The following FBXL7 variants were observed in gnomAD, a reference collection of about 807,000 sequenced individuals.
FBXL7 encodes the protein F-box/LRR-repeat protein 7.
In FBXL7, 12 loss-of-function variants were observed where a neutral mutation model predicts 38.3. The observed-to-expected ratio is 0.31, with a 90% confidence interval of 0.20 to 0.51. The LOEUF (loss-of-function observed/expected upper bound fraction) is 0.51. Among genes scored for constraint, FBXL7 ranks in the 20% least tolerant of loss-of-function variants. FBXL7 has a pLI of 0.98. For synonymous variants in FBXL7, 297 were observed against 300.9 expected, an observed-to-expected ratio of 0.99 and a Z score of 0.13; for missense variants, 567 against 676.4, an observed-to-expected ratio of 0.84 and a Z score of 1.79.
intron 2 of FBXL7, among the ~76,000 whole-genome samples, chr5:15,693,932 A>G (rs1743256651): frequency 6.6e-6 from 1 of 152,088 alleles, no homozygotes; most frequent in Admixed American, 6.5e-5. Flanking sequence ...GTGTGATCCA[A>G]TTTTTCCGGT....
intron 2 of FBXL7, among the ~76,000 whole-genome samples, chr5:15,724,697 G>A (rs1744294822): frequency 6.6e-6 from 1 of 152,132 alleles, no homozygotes; most frequent in Non-Finnish European, 1.5e-5. Flanking sequence ...TTTAAAGTAT[G>A]CTAACATTTA....
chr5:15,829,137 A>G (rs1375687428), intron 2 of FBXL7, among the ~76,000 whole-genome samples: 1 of 152,194 alleles, frequency 6.6e-6, no homozygotes, highest in African/African-American at 2.4e-5. Context: ...CAGATAATTA[A>G]GTGACAATGG....
intron 1 of FBXL7, among the ~76,000 whole-genome samples, chr5:15,595,277 C>A (rs547568235): frequency 6.6e-6 from 1 of 152,160 alleles, no homozygotes; most frequent in South Asian, 2.1e-4. Flanking sequence ...CTCAGAGACC[C>A]AGAAAGGCTG....
chr5:15,612,750 T>C (rs1371262325), intron 1 of FBXL7, among the ~76,000 whole-genome samples: 1 of 152,168 alleles, frequency 6.6e-6, no homozygotes, highest in African/African-American at 2.4e-5. Context: ...TGATGCCATC[T>C]CTTTGTAGGA....
intron 1 of FBXL7, among the ~76,000 whole-genome samples, chr5:15,548,668 G>C (rs1255129463): frequency 6.6e-6 from 1 of 152,192 alleles, no homozygotes; most frequent in Non-Finnish European, 1.5e-5. Flanking sequence ...CATGTGCCCA[G>C]GAGACAGGTC....
At position 15,580,732 on chromosome 5, in the gene FBXL7, G is replaced by A. The variant is rs528300990; in HGVS notation, c.38-35251G>A. On this transcript the variant is annotated intron_variant, in intron 1 of 3. Transcript: ENST00000504595. The stretch of plus-strand genomic sequence containing the variant: ...CAGGAAGGGAGGTGGTGAGCCTGAA[G>A]ATCTCACAAGCTTCCCTCCTGGTGT... The A allele has an allele frequency of 1.2e-4, 121 of 985,422 alleles. 1 individual carries two copies. The South Asian group carries it at 4.9e-3, about 40-fold the overall frequency. 61.0% of individuals were successfully genotyped at this position (985,422 alleles called of 1,614,324 possible).
chr5:15,656,190 C>G (rs1741876296), intron 2 of FBXL7, among the ~76,000 whole-genome samples: 1 of 152,146 alleles, frequency 6.6e-6, no homozygotes, highest in Non-Finnish European at 1.5e-5. Context: ...ACAATGCTTG[C>G]TAAAGCCTTA....
chr5:15,695,241 A>T (rs1224717030), intron 2 of FBXL7, among the ~76,000 whole-genome samples: 1 of 152,084 alleles, frequency 6.6e-6, no homozygotes. Flanking sequence ...GTTCTAAAGC[A>T]TGAATAGGAA....
intron 2 of FBXL7, among the ~76,000 whole-genome samples, chr5:15,661,696 C>G (rs1742081440): frequency 6.6e-6 from 1 of 152,162 alleles, no homozygotes; most frequent in Non-Finnish European, 1.5e-5. Context: ...TCTCCCTCCT[C>G]CCAACCTTCA....
chr5:15,541,385 C>T (rs1356382726), intron 1 of FBXL7, among the ~76,000 whole-genome samples: 1 of 141,878 alleles, frequency 7.0e-6, no homozygotes, highest in African/African-American at 2.6e-5. Context: ...TATATATACA[C>T]ACACATATAT....
chr5:15,678,275 G>A (rs185812402), intron 2 of FBXL7, among the ~76,000 whole-genome samples: 2 of 152,248 alleles, frequency 1.3e-5, no homozygotes, highest in East Asian at 3.9e-4. Flanking sequence ...TTCCTCTTGA[G>A]CTGACAGGGT....
chr5:15,611,836 T>A (rs76342059), intron 1 of FBXL7, among the ~76,000 whole-genome samples: 9 of 145,400 alleles, frequency 6.2e-5, no homozygotes, highest in Non-Finnish European at 7.5e-5. Context: ...AAAAAAAAAA[T>A]GCTGGGTATG....
intron 2 of FBXL7, among the ~76,000 whole-genome samples, chr5:15,764,835 A>G (rs1736544558): frequency 6.6e-6 from 1 of 152,228 alleles, no homozygotes. Context: ...GCCTTACCAT[A>G]ATCTAGAGCA....
chr5:15,599,093 C>T (rs1739712419), intron 1 of FBXL7, among the ~76,000 whole-genome samples: 1 of 152,166 alleles, frequency 6.6e-6, no homozygotes. Flanking sequence ...ATCACTTTTA[C>T]TCCTGTTAAA....
intron 2 of FBXL7, among the ~76,000 whole-genome samples, chr5:15,789,531 G>A (rs1027509881): frequency 6.6e-6 from 1 of 152,078 alleles, no homozygotes; most frequent in African/African-American, 2.4e-5. Flanking sequence ...AGTCACCCAC[G>A]ACCACACAGG....
intron 1 of FBXL7, among the ~76,000 whole-genome samples, chr5:15,597,433 A>G (rs1739654202): frequency 6.6e-6 from 1 of 151,580 alleles, no homozygotes; most frequent in African/African-American, 2.4e-5. Flanking sequence ...GAAGCCAGTA[A>G]GCTTATTCTG....
At chr5:15,618,230 A>C (rs1021827292) in intron 2 of FBXL7, among the ~76,000 whole-genome samples, 1 of 152,302 alleles carries the variant, frequency 6.6e-6, no homozygotes, top group South Asian at 2.1e-4. Flanking sequence ...AAAAATAGGA[A>C]AATGTTATGT....
At chr5:15,927,835 C>T in intron 2 of FBXL7, 55 bp from the exon 3 acceptor site, 1 of 1,404,198 alleles carries the variant, frequency 7.1e-7, no homozygotes, top group East Asian at 2.5e-5. Flanking sequence ...TTGCTGCCTC[C>T]CTGGGGCTCT....
At chr5:15,818,696 A>C (rs559883206) in intron 2 of FBXL7, among the ~76,000 whole-genome samples, 1 of 130,510 alleles carries the variant, frequency 7.7e-6, no homozygotes, top group South Asian at 2.6e-4. Flanking sequence ...TGAATGTCCC[A>C]TTATTTCGTG....
Sources: allele counts gnomAD v4.1 joint callset (sites outside exome capture counted in the v4.1 genomes callset), GRCh38; gene constraint gnomAD v4.1.1; transcripts MANE v1.5; gene names NCBI Gene and HGNC (gene_info 2026-07-23, HGNC 2026-07-21).